The following SLC24A2 variants were observed in gnomAD, a reference collection of about 807,000 sequenced individuals.
SLC24A2 encodes the protein solute carrier family 24 member 2.
Under a neutral mutation model 62.0 loss-of-function variants are expected in SLC24A2, and 36 were observed. That is an observed-to-expected ratio of 0.58 (90% CI 0.44 to 0.77). SLC24A2 has a LOEUF of 0.77. Ranked by LOEUF, SLC24A2 falls within the 30% of genes least tolerant of loss-of-function variation. The pLI is 0.00. For missense variants in SLC24A2, 846 were observed against 817.9 expected (o/e 1.03, Z -0.42); for synonymous variants, 358 against 294.0 (o/e 1.22, Z -2.23).
the SLC24A2 span, among the ~76,000 whole-genome samples, chr9:19,834,860 G>A: frequency 1.3e-5 from 2 of 152,212 alleles, no homozygotes; most frequent in African/African-American, 4.8e-5. Context: ...AAGCCCATCA[G>A]ACTAACAGCG....
the SLC24A2 span, among the ~76,000 whole-genome samples, chr9:19,980,682 A>C: frequency 6.6e-6 from 1 of 152,122 alleles, no homozygotes; most frequent in Non-Finnish European, 1.5e-5. Context: ...AGTAGATAAA[A>C]AGACATCTAG....
chr9:19,779,785 C>G (rs552944715), intron 2 of SLC24A2, among the ~76,000 whole-genome samples: 1 of 152,162 alleles, frequency 6.6e-6, no homozygotes, highest in African/African-American at 2.4e-5. Flanking sequence ...GGTAGGCGGG[C>G]GCGGTGGCTC....
At chr9:19,995,555 G>A in the SLC24A2 span, among the ~76,000 whole-genome samples, 1 of 152,170 alleles carries the variant, frequency 6.6e-6, no homozygotes, top group Admixed American at 6.6e-5. Flanking sequence ...CCTCCTACTA[G>A]CAAGGAGAGG....
At chr9:20,100,204 GTTTT>G in the SLC24A2 span, among the ~76,000 whole-genome samples, 1 of 151,208 alleles carries the variant, frequency 6.6e-6, no homozygotes, top group Admixed American at 6.6e-5. Flanking sequence ...GTTTTTGTTT[GTTTT>G]TTTTGTTTTT....
At chr9:20,015,200 G>A in the SLC24A2 span, among the ~76,000 whole-genome samples, 2 of 152,138 alleles carry the variant, frequency 1.3e-5, no homozygotes, top group Non-Finnish European at 2.9e-5. Flanking sequence ...CATATCTGGT[G>A]CTGGGCCTAA....
At chr9:20,189,076 C>CTT in the SLC24A2 span, among the ~76,000 whole-genome samples, 5 of 96,526 alleles carry the variant, frequency 5.2e-5, no homozygotes, top group African/African-American at 9.2e-5. Flanking sequence ...CTTTTTTTTT[C>CTT]TTTTTTTTTT....
At chr9:19,922,949 T>C in the SLC24A2 span, among the ~76,000 whole-genome samples, 1 of 149,956 alleles carries the variant, frequency 6.7e-6, no homozygotes, top group Non-Finnish European at 1.5e-5. Flanking sequence ...TTTTTATGAG[T>C]GTGTTGGCCT....
the SLC24A2 span, among the ~76,000 whole-genome samples, chr9:19,842,994 C>T: frequency 6.6e-6 from 1 of 152,134 alleles, no homozygotes. Flanking sequence ...ATTGTAGGGT[C>T]ATTTGAAGCC....
At chr9:19,619,136 C>T (rs1406214969) in intron 4 of SLC24A2, among the ~76,000 whole-genome samples, 1 of 152,210 alleles carries the variant, frequency 6.6e-6, no homozygotes. Flanking sequence ...AACGTTCTGC[C>T]ATGAACATCA....
the SLC24A2 span, among the ~76,000 whole-genome samples, chr9:20,298,499 G>A: frequency 1.0e-3 from 153 of 152,334 alleles, no homozygotes; most frequent in African/African-American, 3.7e-3. Flanking sequence ...AAAGTGCTGG[G>A]ATTACAGGCG....
chr9:19,709,763 G>C (rs571602690), intron 2 of SLC24A2, among the ~76,000 whole-genome samples: 3 of 98,200 alleles, frequency 3.1e-5, no homozygotes, highest in South Asian at 4.7e-4. Context: ...TGTGGGGGGT[G>C]GGGGGAGGGA....
At chr9:20,074,991 C>T in the SLC24A2 span, among the ~76,000 whole-genome samples, 3 of 152,104 alleles carry the variant, frequency 2.0e-5, no homozygotes, top group African/African-American at 7.2e-5. Context: ...TTGGTTTCTG[C>T]ATGTAAGAAA....
chr9:20,232,215 G>A, the SLC24A2 span, among the ~76,000 whole-genome samples: 8 of 152,256 alleles, frequency 5.3e-5, no homozygotes, highest in African/African-American at 1.9e-4. Context: ...TTGTGTCTCT[G>A]CCAGGCTTTG....
At chr9:20,070,028 G>A in the SLC24A2 span, among the ~76,000 whole-genome samples, 1 of 152,068 alleles carries the variant, frequency 6.6e-6, no homozygotes, top group East Asian at 1.9e-4. Flanking sequence ...ATTATTCCAG[G>A]AAAATCTTTG....
the SLC24A2 span, among the ~76,000 whole-genome samples, chr9:20,139,086 G>A: frequency 5.3e-5 from 8 of 152,244 alleles, 1 homozygote; most frequent in South Asian, 6.2e-4. Flanking sequence ...TAATTGCTAC[G>A]GAAGCTGAGA....
intron 7 of SLC24A2, among the ~76,000 whole-genome samples, chr9:19,557,992 A>AT (rs1835183294): frequency 6.6e-6 from 1 of 151,980 alleles, no homozygotes; most frequent in African/African-American, 2.4e-5. Flanking sequence ...ATTTTTGTTT[A>AT]TTTTTTGTAG....
At chr9:19,986,593 T>C in the SLC24A2 span, among the ~76,000 whole-genome samples, 1 of 151,902 alleles carries the variant, frequency 6.6e-6, no homozygotes, top group Non-Finnish European at 1.5e-5. Context: ...ATATCCAATG[T>C]AATATTATTC....
At chr9:19,766,693 T>A (rs1458311044) in intron 2 of SLC24A2, among the ~76,000 whole-genome samples, 1 of 152,202 alleles carries the variant, frequency 6.6e-6, no homozygotes, top group Non-Finnish European at 1.5e-5. Flanking sequence ...ACCTGCCAGA[T>A]GCCAGCCAGA....
chr9:20,304,668 A>G, the SLC24A2 span, among the ~76,000 whole-genome samples: 1 of 152,302 alleles, frequency 6.6e-6, no homozygotes, highest in Middle Eastern at 3.4e-3. Flanking sequence ...TGATTTAAAT[A>G]TGTACATTTT....
Sources: gnomAD v4.1 joint callset for allele counts (sites outside exome capture counted in the v4.1 genomes callset) on GRCh38, gnomAD v4.1.1 for gene constraint, MANE v1.5 for transcripts, NCBI Gene and HGNC (gene_info 2026-07-23, HGNC 2026-07-21) for gene names.